DNAJC11: variants seen among roughly 807,000 people sequenced by gnomAD.
The protein encoded by DNAJC11 is dnaJ homolog subfamily C member 11.
DNAJC11 carries 15 observed loss-of-function variants against 78.6 expected under a neutral mutation model. The observed-to-expected ratio is 0.19, with a 90% confidence interval of 0.13 to 0.29. The LOEUF is 0.29. DNAJC11 is among the 10% of genes least tolerant of loss of function. The pLI, the probability that DNAJC11 is intolerant of heterozygous loss-of-function variation, is 1.00. For missense variants in DNAJC11, 547 were observed against 709.6 expected (o/e 0.77, Z 2.60); for synonymous variants, 292 against 272.1 (o/e 1.07, Z -0.72).
chr1:6,662,499 T>C (rs2281189), intron 4 of DNAJC11, among the ~76,000 whole-genome samples: 55,542 of 151,900 alleles, frequency 0.37, 10,551 homozygotes, highest in African/African-American at 0.43. Flanking sequence ...CTGGGTCAGG[T>C]GGGGACTTGG....
intron 1 of DNAJC11, among the ~76,000 whole-genome samples, chr1:6,700,917 C>G (rs960044671): frequency 2.0e-5 from 3 of 152,182 alleles, no homozygotes; most frequent in African/African-American, 7.2e-5. Flanking sequence ...AGCCTTCTCG[C>G]CCTTCACACC....
chr1:6,660,061 CA>C lies in DNAJC11; in HGVS notation c.379-6023del, dbSNP rs879582430. On this transcript the variant is annotated intron_variant, in intron 4 of 15. Coordinates refer to ENST00000377577, the MANE Select transcript of DNAJC11 (RefSeq NM_018198.4). The stretch of plus-strand genomic sequence containing the variant: ...ACAGAGCAAGACTCTGTCTCAAAAA[CA>C]AAAAAAAAAACCAAAATCAAAACAA... Among the ~76,000 whole-genome samples, 334 of 139,848 alleles carry C rather than the reference CA, an allele frequency of 2.4e-3. 2 individuals carry two copies. The Middle Eastern group carries it at 0.026, about 11-fold the overall frequency. 91.7% of individuals were successfully genotyped at this position (139,848 alleles called of 152,430 possible).
At chr1:6,639,354 G>A (rs1406446137) in intron 11 of DNAJC11, among the ~76,000 whole-genome samples, 1 of 143,068 alleles carries the variant, frequency 7.0e-6, no homozygotes, top group East Asian at 2.0e-4. Flanking sequence ...TTTTGAGACC[G>A]AGTCTTGCTC....
rs886438531 is a variant in DNAJC11, at chr1:6,680,467, T to C, written c.202+441A>G. Reference sequence around the variant, plus strand: ...ACTTGGTTCTATTTCCTATAAGCCTTCTTAACATCATTTTCTTTCTTTTAT... The same window carrying C: ...ACTTGGTTCTATTTCCTATAAGCCTCCTTAACATCATTTTCTTTCTTTTAT... On this transcript the variant is annotated intron_variant, in intron 2 of 15. Coordinates refer to ENST00000377577, the MANE Select transcript of DNAJC11 (RefSeq NM_018198.4). This position sits in a 1 kb window ranked among gnomAD's most constrained non-coding sequence, Gnocchi z 4.0. 6.6e-6 allele frequency among the ~76,000 whole-genome samples: 1 copy of C among 152,202 alleles called. No individual in the cohort carries two copies. Among genetic ancestry groups the C allele is most frequent in the Non-Finnish European group, 1.5e-5 (1 of 68,038 alleles).
chr1:6,680,759 A>G lies in DNAJC11; in HGVS notation c.202+149T>C. 2.2e-6 allele frequency: 2 copies of G among 917,040 alleles called. No homozygotes were observed. The highest frequency in any genetic ancestry group is 3.2e-6 in the Non-Finnish European group (2 of 627,320). 56.8% of individuals were successfully genotyped at this position (917,040 alleles called of 1,614,324 possible). A position where few individuals can be genotyped will look rare whatever the true frequency, so the allele number is the denominator to read the frequency against. ...TTCCAAAGCAAAATACTATTCTTTC[A>G]AAGGACCCTGTCAGTGAAAAGTACT... On this transcript the variant is annotated intron_variant, in intron 2 of 15. Coordinates refer to ENST00000377577, the MANE Select transcript of DNAJC11 (RefSeq NM_018198.4). This position sits in a 1 kb window ranked among gnomAD's most constrained non-coding sequence, Gnocchi z 4.0.
chr1:6,639,966 G>C lies in DNAJC11; in HGVS notation c.1189C>G (p.Leu397Val), dbSNP rs1234238718. 6.2e-7 allele frequency: 1 copy of C among 1,613,258 alleles called. No individual in the cohort carries two copies. The highest frequency in any genetic ancestry group is 1.7e-5 in the Admixed American group (1 of 59,856). The stretch of plus-strand genomic sequence containing the variant: ...CGGTGCATGGCAAAGTAGACCACTA[G>C]AGGCCCCACGGTGGCATAGAACATG... ...SAMFYATVGP[L>V]VVYFAMHRLI... Residue 397 changes from leucine to valine, a missense_variant, in exon 11 of 16, where the codon CTA (leucine) becomes GTA (valine). Coordinates refer to ENST00000377577, the MANE Select transcript of DNAJC11 (RefSeq NM_018198.4).
chr1:6,675,199 T>C (rs944075079), intron 3 of DNAJC11, among the ~76,000 whole-genome samples: 12 of 152,006 alleles, frequency 7.9e-5, no homozygotes, highest in Non-Finnish European at 1.8e-4. Flanking sequence ...TAAGCACTAA[T>C]ACATATCCGA....
At chr1:6,674,798 G>T (rs2147875465) in intron 3 of DNAJC11, among the ~76,000 whole-genome samples, 1 of 152,150 alleles carries the variant, frequency 6.6e-6, no homozygotes, top group East Asian at 1.9e-4. Flanking sequence ...TTCTAAAGAA[G>T]CTCCAGGGTT....
rs183000318 is a variant in DNAJC11, at chr1:6,678,551, C to T, written c.203-84G>A. On this transcript the variant is annotated intron_variant, in intron 2 of 15. Transcript: ENST00000377577. ...GAGAATACTGACATCATTAGGTAAGCCCATCTCCTGTTCTCCCTGTCTGAT... is the reference window on the plus strand; with the variant it reads ...GAGAATACTGACATCATTAGGTAAGTCCATCTCCTGTTCTCCCTGTCTGAT... The T allele has an allele frequency of 6.8e-5, 74 of 1,091,594 alleles. 1 individual carries two copies. The African/African-American group carries it at 1.1e-3, about 16-fold the overall frequency. 67.6% of individuals were successfully genotyped at this position (1,091,594 alleles called of 1,614,324 possible).
intron 1 of DNAJC11, among the ~76,000 whole-genome samples, chr1:6,694,674 A>C (rs1642804544): frequency 6.6e-6 from 1 of 152,054 alleles, no homozygotes; most frequent in African/African-American, 2.4e-5. Flanking sequence ...AATTAAAAAA[A>C]ATTTTTTTTG....
In DNAJC11 at chr1:6,645,840, G is replaced by A. The variant is rs780310605; in HGVS notation, c.843C>T (p.Asn281=). The A allele has an allele frequency of 6.2e-7, 1 of 1,614,208 alleles. No homozygotes were observed. Among genetic ancestry groups the A allele is most frequent in the Non-Finnish European group, 8.5e-7 (1 of 1,180,040 alleles). The change falls in exon 8 of 16, where the codon AAC becomes AAT. Residue 281 remains asparagine, a synonymous_variant. Coordinates refer to ENST00000377577, the MANE Select transcript of DNAJC11 (RefSeq NM_018198.4). This position sits in a 1 kb window ranked among gnomAD's most constrained non-coding sequence, Gnocchi z 4.1. ...TTTTAGTGTCTCGGACGATGCTAGT[G>A]TTCATGGCTGACTGGATACCCCATC... ...QWRWGIQSAM[N]TSIVRDTKTS... is the part of the protein sequence containing the mutation.
intron 3 of DNAJC11, among the ~76,000 whole-genome samples, chr1:6,672,684 A>G (rs904976760): frequency 3.9e-5 from 6 of 152,158 alleles, no homozygotes; most frequent in African/African-American, 1.4e-4. Context: ...TTGATTATTT[A>G]TATCTTCCTT....
chr1:6,667,886 A>G (rs967151895), intron 3 of DNAJC11, 76 bp from the exon 4 acceptor site: 34 of 1,435,618 alleles, frequency 2.4e-5, no homozygotes, highest in African/African-American at 1.3e-4. Context: ...AGCTGCAGCC[A>G]TTGATTTTGG....
chr1:6,645,747 C>T lies in DNAJC11; in HGVS notation c.894+42G>A, dbSNP rs758204021. On this transcript the variant is annotated intron_variant, in intron 8 of 15. Coordinates refer to ENST00000377577, the MANE Select transcript of DNAJC11 (RefSeq NM_018198.4). This position sits in a 1 kb window ranked among gnomAD's most constrained non-coding sequence, Gnocchi z 4.1. Reference sequence around the variant, plus strand: ...CTGAGTGCTTGGGAGGAGGGGTCCTCCCAGAGCTCTGTCTGCAGGAGATGA... The same window carrying T: ...CTGAGTGCTTGGGAGGAGGGGTCCTTCCAGAGCTCTGTCTGCAGGAGATGA... The T allele has an allele frequency of 6.2e-7, 1 of 1,605,158 alleles. No homozygotes were observed. Among genetic ancestry groups the T allele is most frequent in the South Asian group, 1.1e-5 (1 of 90,366 alleles).
At chr1:6,638,852 T>TTCCTG (rs879910824) in intron 11 of DNAJC11, among the ~76,000 whole-genome samples, 1 of 152,182 alleles carries the variant, frequency 6.6e-6, no homozygotes, top group Admixed American at 6.5e-5. Context: ...TAATACCACT[T>TTCCTG]TAGACACACA....
intron 15 of DNAJC11, among the ~76,000 whole-genome samples, 174 bp from the exon 16 acceptor site, chr1:6,635,874 C>T (rs1015990217): frequency 1.4e-4 from 21 of 152,224 alleles, no homozygotes; most frequent in Non-Finnish European, 2.6e-4. Flanking sequence ...TTTCATCCCC[C>T]GCCACTCAAG....
At chr1:6,674,404 T>C (rs573790943) in intron 3 of DNAJC11, among the ~76,000 whole-genome samples, 2 of 151,952 alleles carry the variant, frequency 1.3e-5, no homozygotes, top group East Asian at 3.9e-4. Flanking sequence ...CTACCAAAAA[T>C]ACAAAAATTA....
At position 6,700,225 on chromosome 1, in the gene DNAJC11, C is replaced by A. The variant is rs370202188; in HGVS notation, c.72+1504G>T. Among the ~76,000 whole-genome samples, 7 of 151,900 alleles carry A rather than the reference C, an allele frequency of 4.6e-5. No homozygotes were observed. The South Asian group carries it at 1.2e-3, about 27-fold the overall frequency. On this transcript the variant is annotated intron_variant, in intron 1 of 15. Transcript: ENST00000377577. ...TTGAGAATGTACTTTGTGAGATCCA[C>A]CCCCTGCCCACAAAAAATTGCTCCT...
chr1:6,642,261 A>C (rs1040179268), intron 10 of DNAJC11, among the ~76,000 whole-genome samples: 10 of 152,170 alleles, frequency 6.6e-5, no homozygotes, highest in African/African-American at 2.2e-4. Flanking sequence ...TTTTAGGCAG[A>C]AGACAGACGT....
Sources: allele counts gnomAD v4.1 joint callset (sites outside exome capture counted in the v4.1 genomes callset), GRCh38; gene constraint gnomAD v4.1.1; non-coding constraint Gnocchi (gnomAD v3.1); transcripts MANE v1.5; gene names NCBI Gene and HGNC (gene_info 2026-07-23, HGNC 2026-07-21).